SOAT1: variants seen among roughly 807,000 people sequenced by gnomAD.
The protein encoded by SOAT1 is sterol O-acyltransferase 1.
Under a neutral mutation model 69.5 loss-of-function variants are expected in SOAT1, and 55 were observed. The ratio of observed to expected loss-of-function variants is 0.79; its 90% CI spans 0.64 to 0.99. The LOEUF (loss-of-function observed/expected upper bound fraction) is 0.99, where lower values mean the gene tolerates loss of function less well. Among genes scored for constraint, SOAT1 ranks in the 50% least tolerant of loss-of-function variants. SOAT1 has a pLI of 0.00. For missense variants in SOAT1, 580 were observed against 669.3 expected (o/e 0.87, Z 1.47); for synonymous variants, 231 against 224.7 (o/e 1.03, Z -0.25).
intron 3 of SOAT1, among the ~76,000 whole-genome samples, chr1:179,325,723 A>G (rs1665767484): frequency 6.6e-6 from 1 of 152,130 alleles, no homozygotes; most frequent in Admixed American, 6.6e-5. Flanking sequence ...CAGAATCACA[A>G]ACCCAAAGGC....
intron 11 of SOAT1, 138 bp downstream of exon 11, chr1:179,345,214 A>G (rs763853033): frequency 1.7e-5 from 13 of 754,632 alleles, no homozygotes; most frequent in Non-Finnish European, 2.8e-5. Flanking sequence ...CCTCTTTTGC[A>G]TCTACTTTAT....
At chr1:179,348,509 A>G (rs1666608187) in intron 12 of SOAT1, among the ~76,000 whole-genome samples, 1 of 152,108 alleles carries the variant, frequency 6.6e-6, no homozygotes. Flanking sequence ...CTAGTAGGGT[A>G]AGGGGGGTGG....
At chr1:179,350,782 G>A (rs1666697833) in intron 14 of SOAT1, among the ~76,000 whole-genome samples, 1 of 152,114 alleles carries the variant, frequency 6.6e-6, no homozygotes, top group South Asian at 2.1e-4. Context: ...AGTAGAGAGG[G>A]AAAAGTTGGA....
chr1:179,306,515 G>T (rs1352096173), intron 2 of SOAT1, among the ~76,000 whole-genome samples: 1 of 152,126 alleles, frequency 6.6e-6, no homozygotes, highest in Admixed American at 6.5e-5. Flanking sequence ...ATTTGTTAAT[G>T]AGGGTTCCAG....
At position 179,341,251 on chromosome 1, in the gene SOAT1, T is replaced by C. The variant is rs761965318; in HGVS notation, c.721T>C (p.Tyr241His). ...QIGVLGFGPT[Y>H]VVLAYTLPPA... ...TGGAGTTCTAGGTTTTGGACCAACATATGTTGTGTTAGCATATACACTGCC... is the reference window on the plus strand; with the variant it reads ...TGGAGTTCTAGGTTTTGGACCAACACATGTTGTGTTAGCATATACACTGCC... The change falls in exon 7 of 16, where the codon TAT becomes CAT. Residue 241 changes from tyrosine to histidine, a missense_variant. Transcript: ENST00000367619. 1.2e-6 allele frequency: 2 copies of C among 1,614,060 alleles called. No individual in the cohort carries two copies. Among genetic ancestry groups the C allele is most frequent in the Admixed American group, 1.7e-5 (1 of 59,988 alleles).
intron 2 of SOAT1, among the ~76,000 whole-genome samples, chr1:179,321,732 A>G (rs1382986419): frequency 1.3e-5 from 2 of 152,170 alleles, no homozygotes; most frequent in Non-Finnish European, 2.9e-5. Context: ...CCCATTTACT[A>G]GTACTCTCTT....
intron 3 of SOAT1, among the ~76,000 whole-genome samples, chr1:179,324,163 C>CATGT (rs1383670746): frequency 1.3e-5 from 2 of 152,102 alleles, no homozygotes; most frequent in African/African-American, 2.4e-5. Context: ...TAGTTACATG[C>CATGT]ATGTATGTAT....
chr1:179,307,004 C>T (rs72715521), intron 2 of SOAT1, among the ~76,000 whole-genome samples: 171 of 152,214 alleles, frequency 1.1e-3, no homozygotes, highest in Non-Finnish European at 1.8e-3. Flanking sequence ...AAAATAGTGC[C>T]TTGCATACTT....
chr1:179,334,254 A>G (rs1666069311), intron 3 of SOAT1, among the ~76,000 whole-genome samples: 1 of 152,116 alleles, frequency 6.6e-6, no homozygotes, highest in South Asian at 2.1e-4. Context: ...GCATATGTAA[A>G]ATTATGTTAC....
At chr1:179,323,045 C>CTTTTTTTTTTTTTTTTTTTTTTT (rs36045111) in intron 2 of SOAT1, among the ~76,000 whole-genome samples, 8 of 126,734 alleles carry the variant, frequency 6.3e-5, no homozygotes, top group East Asian at 4.6e-4. Context: ...TCTTTTCTTT[C>CTTTTTTTTTTTTTTTTTTTTTTT]TTTTTTTTTT....
chr1:179,333,569 G>C (rs1015015793), intron 3 of SOAT1, among the ~76,000 whole-genome samples: 1 of 151,018 alleles, frequency 6.6e-6, no homozygotes, highest in African/African-American at 2.4e-5. Flanking sequence ...GGCGGGGCAC[G>C]GTGGCTCACG....
chr1:179,329,785 A>G (rs1279554229), intron 3 of SOAT1, among the ~76,000 whole-genome samples: 1 of 152,160 alleles, frequency 6.6e-6, no homozygotes, highest in Non-Finnish European at 1.5e-5. Flanking sequence ...TGGAGAGACA[A>G]GTCTTAAGTA....
intron 1 of SOAT1, among the ~76,000 whole-genome samples, chr1:179,299,773 A>G (rs1354868197): frequency 5.7e-5 from 1 of 17,552 alleles, no homozygotes; most frequent in Non-Finnish European, 1.0e-4. Flanking sequence ...TTTTTTTTTG[A>G]GACGGAGTCT....
intron 4 of SOAT1, among the ~76,000 whole-genome samples, chr1:179,337,045 G>T (rs1163698129): frequency 6.6e-6 from 1 of 151,156 alleles, no homozygotes; most frequent in African/African-American, 2.4e-5. Context: ...CTATACAATT[G>T]TTGTAATAAA....
At chr1:179,308,857 AT>A (rs1191290689) in intron 2 of SOAT1, among the ~76,000 whole-genome samples, 1 of 151,914 alleles carries the variant, frequency 6.6e-6, no homozygotes, top group African/African-American at 2.4e-5. Flanking sequence ...CTCTTCTGCA[AT>A]TTGTTTCTTC....
intron 2 of SOAT1, among the ~76,000 whole-genome samples, chr1:179,308,307 G>A (rs1558038593): frequency 6.6e-6 from 1 of 152,060 alleles, no homozygotes; most frequent in African/African-American, 2.4e-5. Flanking sequence ...GCATATACAG[G>A]CAGCCTACAC....
intron 15 of SOAT1, among the ~76,000 whole-genome samples, chr1:179,352,250 C>CT (rs369185631): frequency 0.2 from 28,300 of 141,882 alleles, 3,015 homozygotes; most frequent in East Asian, 0.38. Flanking sequence ...AGGAGGATGG[C>CT]TTTTTTTTTT....
chr1:179,343,363 T>C (rs1190778864), intron 9 of SOAT1, among the ~76,000 whole-genome samples: 3 of 151,662 alleles, frequency 2.0e-5, no homozygotes, highest in Admixed American at 2.0e-4. Context: ...TAGCTGGCAT[T>C]ACAGGTGTGT....
At chr1:179,330,091 G>C (rs930523761) in intron 3 of SOAT1, among the ~76,000 whole-genome samples, 11 of 152,146 alleles carry the variant, frequency 7.2e-5, no homozygotes, top group Non-Finnish European at 1.6e-4. Context: ...GGAGTTTAAT[G>C]CAAAGCTAGC....
Sources: gnomAD v4.1 joint callset for allele counts (sites outside exome capture counted in the v4.1 genomes callset) on GRCh38, gnomAD v4.1.1 for gene constraint, MANE v1.5 for transcripts, NCBI Gene and HGNC (gene_info 2026-07-23, HGNC 2026-07-21) for gene names.